CRX: variants seen among roughly 807,000 people sequenced by gnomAD.
CRX encodes cone-rod homeobox.
CRX carries 5 observed loss-of-function variants against 13.1 expected under a neutral mutation model. The ratio of observed to expected loss-of-function variants is 0.38; its 90% CI spans 0.20 to 0.80. The LOEUF (loss-of-function observed/expected upper bound fraction) is 0.80, where lower values mean the gene tolerates loss of function less well. Among genes scored for constraint, CRX ranks in the 30% least tolerant of loss-of-function variants. CRX has a pLI of 0.43. For synonymous variants in CRX, 179 were observed against 171.1 expected, an observed-to-expected ratio of 1.05 and a Z score of -0.36; for missense variants, 351 against 391.8, an observed-to-expected ratio of 0.90 and a Z score of 0.88.
At chr19:47,828,740 G>T (rs903777244) in intron 1 of CRX, among the ~76,000 whole-genome samples, 1 of 151,764 alleles carries the variant, frequency 6.6e-6, no homozygotes, top group Admixed American at 6.6e-5. Context: ...GGGGAGAGGC[G>T]TTCCTAGCCC....
chr19:47,828,893 AAC>A (rs59471457), intron 1 of CRX, among the ~76,000 whole-genome samples: 14,346 of 133,800 alleles, frequency 0.11, 807 homozygotes, highest in East Asian at 0.23. Flanking sequence ...TTTTGACAAG[AAC>A]ACACACACAC....
chr19:47,826,048 A>G (rs1170354157), intron 1 of CRX, among the ~76,000 whole-genome samples: 1 of 152,234 alleles, frequency 6.6e-6, no homozygotes, highest in Non-Finnish European at 1.5e-5. Context: ...AGACAATGAA[A>G]GTGTGTGCTT....
chr19:47,825,381 C>T (rs1269729013), intron 1 of CRX, among the ~76,000 whole-genome samples: 1 of 152,166 alleles, frequency 6.6e-6, no homozygotes, highest in Non-Finnish European at 1.5e-5. Flanking sequence ...CCACCTCAGC[C>T]TCCCAGAGTG....
At chr19:47,825,846 C>T (rs775302964) in intron 1 of CRX, among the ~76,000 whole-genome samples, 14 of 152,098 alleles carry the variant, frequency 9.2e-5, no homozygotes, top group Non-Finnish European at 1.9e-4. Flanking sequence ...CGCTTGAATC[C>T]GGGAGGTGGA....
chr19:47,826,836 C>A (rs1967980012), intron 1 of CRX, among the ~76,000 whole-genome samples: 1 of 152,198 alleles, frequency 6.6e-6, no homozygotes, highest in Non-Finnish European at 1.5e-5. Flanking sequence ...ATTATTCCGG[C>A]TCAGGGTGTT....
At position 47,835,659 on chromosome 19, in the gene CRX, G is replaced by A. The variant is rs574920563; in HGVS notation, c.101-584G>A. Among the ~76,000 whole-genome samples, 15 of 98,066 alleles carry A rather than the reference G, an allele frequency of 1.5e-4. No individual in the cohort carries two copies. The East Asian group carries it at 3.3e-3, about 21-fold the overall frequency. The allele number at this position is 98,066 out of a possible 152,430, so 64.3% of individuals were successfully genotyped here. The stretch of plus-strand genomic sequence containing the variant: ...TTTTTTCAAGACCGAGCCTTGTTCT[G>A]TTACCAGGCTGGAGTGCAGTGGCAT... On this transcript the variant is annotated intron_variant, in intron 2 of 3. Transcript: ENST00000221996.
intron 2 of CRX, 22 bp from the exon 3 acceptor site, chr19:47,836,221 C>G: frequency 3.7e-6 from 6 of 1,614,076 alleles, no homozygotes; most frequent in Non-Finnish European, 5.1e-6. Flanking sequence ...ACCTGAGGGT[C>G]CTGTTTCCCA....
At chr19:47,835,768 T>C (rs1968110607) in intron 2 of CRX, among the ~76,000 whole-genome samples, 1 of 151,838 alleles carries the variant, frequency 6.6e-6, no homozygotes, top group South Asian at 2.1e-4. Context: ...ACTACAGGCA[T>C]GCACCACCAC....
At position 47,841,570 on chromosome 19, in the gene CRX, GA is replaced by G. The variant is rs1183823671; in HGVS notation, c.*1604del. The G allele has an allele frequency of 1.4e-5, 2 of 143,424 alleles. No individual in the cohort carries two copies. Among genetic ancestry groups the G allele is most frequent in the Non-Finnish European group, 3.0e-5 (2 of 66,486 alleles). The allele number at this position is 143,424 out of a possible 1,614,324, so 8.9% of individuals were successfully genotyped here. A position where few individuals can be genotyped will look rare whatever the true frequency, so the allele number is the denominator to read the frequency against. On this transcript the variant is annotated 3_prime_UTR_variant, in exon 4 of 4. Transcript: ENST00000221996. ...TTTCAAACATACATTCCCTTTTTTA[GA>G]TTTTTTTTTTTTTTTTTTTGGTTTT... is the stretch of plus-strand genomic sequence containing the variant.
At chr19:47,834,613 GCC>G in intron 2 of CRX, 70 bp downstream of exon 2, 1 of 1,316,828 alleles carries the variant, frequency 7.6e-7, no homozygotes, top group Non-Finnish European at 1.1e-6. Context: ...GGGTCCCTTT[GCC>G]CCCAGGAAGA....
intron 1 of CRX, among the ~76,000 whole-genome samples, chr19:47,824,990 A>T (rs1040036242): frequency 1.3e-3 from 133 of 100,354 alleles, no homozygotes; most frequent in Admixed American, 1.3e-3. Context: ...CGATTGATTG[A>T]TTTTTTTTTT....
chr19:47,836,912 G>A (rs1018642913), intron 3 of CRX, among the ~76,000 whole-genome samples: 31 of 152,218 alleles, frequency 2.0e-4, no homozygotes, highest in African/African-American at 7.0e-4. Flanking sequence ...GGATGGGTGG[G>A]TGGATGCATA....
chr19:47,840,910 TA>T lies in CRX; in HGVS notation c.*944del, dbSNP rs1255441280. Reference sequence around the variant, plus strand: ...TCTATTATTAGTAGAGACAGGGTTTTACCATGTTGGCCAGGCTGGTCTGGAA... The same window carrying T: ...TCTATTATTAGTAGAGACAGGGTTTTCCATGTTGGCCAGGCTGGTCTGGAA... On this transcript the variant is annotated 3_prime_UTR_variant, in exon 4 of 4. Transcript: ENST00000221996. The T allele has an allele frequency of 4.6e-5, 7 of 150,920 alleles. No individual in the cohort carries two copies. Among genetic ancestry groups the T allele is most frequent in the African/African-American group, 1.5e-4 (6 of 40,958 alleles). The allele number at this position is 150,920 out of a possible 1,614,324, so 9.3% of individuals were successfully genotyped here.
chr19:47,828,937 C>CCAAACTATAGAG (rs1968010879), intron 1 of CRX, among the ~76,000 whole-genome samples: 1 of 118,410 alleles, frequency 8.4e-6, no homozygotes, highest in Non-Finnish European at 1.9e-5. Context: ...CACACACACA[C>CCAAACTATAGAG]ACACAATTAA....
chr19:47,826,876 G>A (rs976449689), intron 1 of CRX, among the ~76,000 whole-genome samples: 1 of 152,180 alleles, frequency 6.6e-6, no homozygotes, highest in African/African-American at 2.4e-5. Context: ...TGTCGGCCAG[G>A]ACTGAAGTCA....
chr19:47,829,037 G>A (rs1968012158), intron 1 of CRX, among the ~76,000 whole-genome samples: 1 of 151,912 alleles, frequency 6.6e-6, no homozygotes, highest in South Asian at 2.1e-4. Flanking sequence ...TCCTTCCTGG[G>A]AATTTTCTAC....
At chr19:47,836,984 G>A (rs986013005) in intron 3 of CRX, among the ~76,000 whole-genome samples, 2 of 152,092 alleles carry the variant, frequency 1.3e-5, no homozygotes, top group African/African-American at 4.8e-5. Context: ...AAGCATGGAT[G>A]AGTGTATGTA....
At chr19:47,834,655 T>C (rs1968094964) in intron 2 of CRX, 112 bp downstream of exon 2, 1 of 776,594 alleles carries the variant, frequency 1.3e-6, no homozygotes, top group Admixed American at 2.1e-5. Context: ...TTCAGGGCCA[T>C]ACACCAGCCC....
intron 1 of CRX, among the ~76,000 whole-genome samples, chr19:47,823,665 T>TTG (rs1247151349): frequency 6.6e-6 from 1 of 150,904 alleles, no homozygotes; most frequent in Non-Finnish European, 1.5e-5. Context: ...TTTTTTTTTT[T>TTG]TTGAGACGGA....
Sources: gnomAD v4.1 joint callset for allele counts (sites outside exome capture counted in the v4.1 genomes callset) on GRCh38, gnomAD v4.1.1 for gene constraint, MANE v1.5 for transcripts, NCBI Gene and HGNC (gene_info 2026-07-23, HGNC 2026-07-21) for gene names.